The following FIGN variants were observed in gnomAD, a reference collection of about 807,000 sequenced individuals.
The protein encoded by FIGN is fidgetin, microtubule severing factor.
FIGN carries 11 observed loss-of-function variants against 51.3 expected under a neutral mutation model. The observed-to-expected ratio is 0.21, with a 90% CI of 0.13 to 0.35. FIGN has a LOEUF of 0.35. FIGN is among the 10% of genes least tolerant of loss of function. The probability of loss-of-function intolerance (pLI) is 1.00; values close to 1 mark genes in which losing one functional copy is unlikely to be tolerated. For missense variants in FIGN, 857 were observed against 943.6 expected (o/e 0.91, Z 1.20); for synonymous variants, 407 against 363.2 (o/e 1.12, Z -1.37).
intron 2 of FIGN, among the ~76,000 whole-genome samples, chr2:163,728,435 C>T (rs1053312434): frequency 8.1e-6 from 1 of 123,320 alleles, no homozygotes; most frequent in African/African-American, 3.0e-5. Flanking sequence ...CACACACACA[C>T]ACAAAGTTCC....
chr2:163,653,829 A>G (rs934374065), intron 2 of FIGN, among the ~76,000 whole-genome samples: 2 of 152,080 alleles, frequency 1.3e-5, no homozygotes. Context: ...TTTTTAAAAA[A>G]CTTTTAATTT....
intron 2 of FIGN, among the ~76,000 whole-genome samples, chr2:163,703,344 C>T (rs1238711878): frequency 6.6e-6 from 1 of 151,902 alleles, no homozygotes; most frequent in Non-Finnish European, 1.5e-5. Flanking sequence ...AAGCATATTT[C>T]CTTAAAATTT....
rs1264584428 is a variant in FIGN at position 163,706,781 on chromosome 2, C to G, written c.25+28122G>C. On this transcript the variant is annotated intron_variant, in intron 2 of 2. Coordinates refer to ENST00000333129, the MANE Select transcript of FIGN (RefSeq NM_018086.4). ...ATTAGTTGTGCATCACACAGGAAAT[C>G]TTGTTGGCTGAAATTCTGACAAAAT... Among the ~76,000 whole-genome samples, 5 of 152,220 alleles carry G rather than the reference C, an allele frequency of 3.3e-5. No homozygotes were observed. In the South Asian group the frequency reaches 8.3e-4, roughly 25 times the overall value.
intron 2 of FIGN, among the ~76,000 whole-genome samples, chr2:163,723,354 G>C (rs1461723359): frequency 6.6e-6 from 1 of 152,074 alleles, no homozygotes; most frequent in Non-Finnish European, 1.5e-5. Flanking sequence ...AAATGAATTA[G>C]ATGTGTGTGC....
chr2:163,606,146 C>T lies in FIGN; in HGVS notation c.*3406G>A, dbSNP rs955683116. On this transcript the variant is annotated 3_prime_UTR_variant, in exon 3 of 3. Transcript: ENST00000333129. ...GAATACAAACTGACTAATAGATAAACATTCTGTGTGAAAGTAAATAGCCTT... is the reference window on the plus strand; with the variant it reads ...GAATACAAACTGACTAATAGATAAATATTCTGTGTGAAAGTAAATAGCCTT... The T allele has an allele frequency of 6.6e-6, 1 of 152,106 alleles. No individual in the cohort carries two copies. Among genetic ancestry groups the T allele is most frequent in the African/African-American group, 2.4e-5 (1 of 41,428 alleles). 9.4% of individuals were successfully genotyped at this position (152,106 alleles called of 1,614,324 possible).
chr2:163,661,640 A>G (rs1348229940), intron 2 of FIGN, among the ~76,000 whole-genome samples: 1 of 152,130 alleles, frequency 6.6e-6, no homozygotes, highest in Non-Finnish European at 1.5e-5. Flanking sequence ...GTCAACTTGA[A>G]TTGTATCTTT....
In FIGN at chr2:163,609,515, C is replaced by A; in HGVS notation, c.*37G>T. ...ATGTAGCAGGTTTTATGTGTGTGTG[C>A]CAACATTCATTACATTTTTTTTTTC... On this transcript the variant is annotated 3_prime_UTR_variant, in exon 3 of 3. Coordinates refer to ENST00000333129, the MANE Select transcript of FIGN (RefSeq NM_018086.4). The A allele has an allele frequency of 6.5e-7, 1 of 1,540,576 alleles. No individual in the cohort carries two copies. The highest frequency in any genetic ancestry group is 8.8e-7 in the Non-Finnish European group (1 of 1,139,604).
In FIGN at chr2:163,610,359, G is replaced by T. The variant is rs565838605; in HGVS notation, c.1473C>A (p.Leu491=). 2 of 1,614,096 alleles carry T rather than the reference G, an allele frequency of 1.2e-6. No individual in the cohort carries two copies. Among genetic ancestry groups the T allele is most frequent in the South Asian group, 2.2e-5 (2 of 91,080 alleles). Residue 491 remains leucine, a synonymous_variant, in exon 3 of 3, where the codon CTC becomes CTA. Transcript: ENST00000333129. The part of the protein sequence containing the change: ...PPVDWNDIAG[L]DLVKAVIKEE... The stretch of plus-strand genomic sequence containing the variant: ...CTTTAATGACAGCCTTCACCAGGTC[G>T]AGACCAGCAATGTCATTCCAGTCCA...
At chr2:163,690,515 C>T (rs1332268191) in intron 2 of FIGN, among the ~76,000 whole-genome samples, 2 of 151,978 alleles carry the variant, frequency 1.3e-5, no homozygotes, top group Non-Finnish European at 2.9e-5. Context: ...GATAAATACA[C>T]ACAATATATA....
At chr2:163,629,240 G>T (rs1484955985) in intron 2 of FIGN, among the ~76,000 whole-genome samples, 1 of 152,166 alleles carries the variant, frequency 6.6e-6, no homozygotes, top group Non-Finnish European at 1.5e-5. Context: ...TAGAGAACAC[G>T]CTGTTGGAAA....
intron 2 of FIGN, among the ~76,000 whole-genome samples, chr2:163,656,808 T>C (rs1221881646): frequency 6.6e-6 from 1 of 152,166 alleles, no homozygotes; most frequent in East Asian, 1.9e-4. Context: ...ATAGCAATAC[T>C]CTTATCAGAG....
At chr2:163,685,954 A>G (rs1363912575) in intron 2 of FIGN, among the ~76,000 whole-genome samples, 2 of 152,238 alleles carry the variant, frequency 1.3e-5, no homozygotes, top group African/African-American at 4.8e-5. Context: ...GCAGATTTAT[A>G]GAAAAAAACA....
At chr2:163,701,591 A>C (rs1263041292) in intron 2 of FIGN, among the ~76,000 whole-genome samples, 1 of 152,196 alleles carries the variant, frequency 6.6e-6, no homozygotes, top group Non-Finnish European at 1.5e-5. Flanking sequence ...CAAAGCTCCC[A>C]GCAGAGTATA....
At chr2:163,724,041 A>T (rs943777707) in intron 2 of FIGN, among the ~76,000 whole-genome samples, 6 of 152,184 alleles carry the variant, frequency 3.9e-5, no homozygotes, top group African/African-American at 7.2e-5. Context: ...ATGACAAAGC[A>T]GTCATGGAGT....
chr2:163,684,957 T>G (rs1432894260), intron 2 of FIGN, among the ~76,000 whole-genome samples: 1 of 149,324 alleles, frequency 6.7e-6, no homozygotes, highest in Non-Finnish European at 1.5e-5. Flanking sequence ...TTTTTTTTTT[T>G]TGTATTTTTA....
intron 2 of FIGN, among the ~76,000 whole-genome samples, chr2:163,622,710 C>T (rs565378843): frequency 4.6e-5 from 7 of 152,098 alleles, no homozygotes; most frequent in South Asian, 2.1e-4. Context: ...TACAGGCTCA[C>T]GCTACCATGC....
intron 2 of FIGN, among the ~76,000 whole-genome samples, chr2:163,709,133 C>G (rs79908752): frequency 0.011 from 1,614 of 152,182 alleles, 27 homozygotes; most frequent in African/African-American, 0.036. Flanking sequence ...ACGTGCATCA[C>G]ATAACTTTGA....
chr2:163,629,749 C>T (rs942316056), intron 2 of FIGN, among the ~76,000 whole-genome samples: 1 of 151,834 alleles, frequency 6.6e-6, no homozygotes, highest in African/African-American at 2.4e-5. Context: ...GAAATATTTA[C>T]CGTCTATCCC....
rs1381564197 is a variant in FIGN at position 163,608,075 on chromosome 2, G to A, written c.*1477C>T. 6.6e-6 allele frequency: 1 copy of A among 152,644 alleles called. No individual in the cohort carries two copies. Among genetic ancestry groups the A allele is most frequent in the Non-Finnish European group, 1.5e-5 (1 of 68,040 alleles). 9.5% of individuals were successfully genotyped at this position (152,644 alleles called of 1,614,324 possible). A position where few individuals can be genotyped will look rare whatever the true frequency, so the allele number is the denominator to read the frequency against. On this transcript the variant is annotated 3_prime_UTR_variant, in exon 3 of 3. Coordinates refer to ENST00000333129, the MANE Select transcript of FIGN (RefSeq NM_018086.4). The stretch of plus-strand genomic sequence containing the variant: ...GAAAACAAAGTAACATGTTTGGCAA[G>A]CTACATTGCAGTGTGTGTGTCCACT...
Sources: gnomAD v4.1 joint callset for allele counts (sites outside exome capture counted in the v4.1 genomes callset) on GRCh38, gnomAD v4.1.1 for gene constraint, MANE v1.5 for transcripts, NCBI Gene and HGNC (gene_info 2026-07-23, HGNC 2026-07-21) for gene names.